The following FAM78B variants were observed in gnomAD, a reference collection of about 807,000 sequenced individuals.
FAM78B encodes protein FAM78B.
FAM78B carries 10 observed loss-of-function variants against 20.0 expected under a neutral mutation model. That is an observed-to-expected ratio of 0.50 (90% confidence interval 0.31 to 0.85). FAM78B has a LOEUF of 0.85. Ranked by LOEUF, FAM78B falls within the 40% of genes least tolerant of loss-of-function variation. The probability of loss-of-function intolerance (pLI) is 0.05; values close to 1 mark genes in which losing one functional copy is unlikely to be tolerated. For synonymous variants in FAM78B, 135 were observed against 132.8 expected (o/e 1.02, Z -0.12); for missense variants, 283 against 345.0 (o/e 0.82, Z 1.42).
At chr1:166,092,462 A>G (rs938240798) in intron 1 of FAM78B, among the ~76,000 whole-genome samples, 2 of 152,030 alleles carry the variant, frequency 1.3e-5, no homozygotes, top group African/African-American at 4.8e-5. Context: ...AGTTAGTCCT[A>G]CCCTGCCTCT....
intron 1 of FAM78B, among the ~76,000 whole-genome samples, chr1:166,098,802 C>G (rs1443718112): frequency 6.6e-6 from 1 of 152,084 alleles, no homozygotes; most frequent in Admixed American, 6.5e-5. Flanking sequence ...ATTCTAAAAG[C>G]TTGGAAAACA....
intron 1 of FAM78B, among the ~76,000 whole-genome samples, chr1:166,099,083 C>A (rs1653397959): frequency 6.6e-6 from 1 of 152,138 alleles, no homozygotes; most frequent in South Asian, 2.1e-4. Context: ...GGGATTGGGG[C>A]CCTATCTTTA....
downstream of FAM78B, among the ~76,000 whole-genome samples, chr1:166,064,585 G>A (rs1571123777): frequency 6.6e-6 from 1 of 152,034 alleles, no homozygotes; most frequent in Non-Finnish European, 1.5e-5. Flanking sequence ...CAGGTTTCAC[G>A]CCTCCCTGAA....
At chr1:166,112,825 T>C (rs186975237) in intron 1 of FAM78B, among the ~76,000 whole-genome samples, 1 of 152,292 alleles carries the variant, frequency 6.6e-6, no homozygotes, top group East Asian at 1.9e-4. Context: ...AGGTACATAC[T>C]AGCATTACTC....
Position 166,166,630 on chromosome 1 carries a change from G to GC in FAM78B, c.-383_-382insG. On this transcript the variant is annotated 5_prime_UTR_variant, in exon 1 of 2. It introduces an in-frame stop codon into an upstream open reading frame of the 5' UTR. Transcript: ENST00000354422. ...CGCCCCTCGCCGGAGAGGAGGAGGC[G>GC]GCAGCGGCGGCGGCATGGAGCCGGG... The GC allele has an allele frequency of 1.3e-5, 2 of 150,552 alleles. No homozygotes were observed. The highest frequency in any genetic ancestry group is 3.9e-4 in the East Asian group (2 of 5,120). 9.3% of individuals were successfully genotyped at this position (150,552 alleles called of 1,614,324 possible).
At chr1:166,135,203 C>G (rs1427023140) in intron 1 of FAM78B, among the ~76,000 whole-genome samples, 1 of 152,152 alleles carries the variant, frequency 6.6e-6, no homozygotes, top group African/African-American at 2.4e-5. Flanking sequence ...ATCAACACGG[C>G]TTATAACTGC....
chr1:166,136,492 G>T (rs1655070310), intron 1 of FAM78B, among the ~76,000 whole-genome samples: 1 of 152,170 alleles, frequency 6.6e-6, no homozygotes, highest in African/African-American at 2.4e-5. Context: ...CACAGCTGCT[G>T]CTGTCTCTGC....
chr1:166,143,183 GTATTAAC>G (rs1317243446), intron 1 of FAM78B, among the ~76,000 whole-genome samples: 8 of 152,292 alleles, frequency 5.3e-5, no homozygotes, highest in African/African-American at 1.7e-4. Context: ...ATTTGCAAAT[GTATTAAC>G]TATTAATATA....
intron 1 of FAM78B, among the ~76,000 whole-genome samples, chr1:166,150,382 G>A (rs2101797406): frequency 6.6e-6 from 1 of 152,256 alleles, no homozygotes; most frequent in Admixed American, 6.5e-5. Flanking sequence ...AGAAAAAGGA[G>A]ACATGAAAAG....
intron 1 of FAM78B, among the ~76,000 whole-genome samples, chr1:166,130,981 CTTTTTTTTT>C (rs869158425): frequency 1.8e-5 from 2 of 114,066 alleles, no homozygotes; most frequent in Admixed American, 1.8e-4. Context: ...TCCCCAGGTG[CTTTTTTTTT>C]TTTTTTTTTT....
intron 1 of FAM78B, among the ~76,000 whole-genome samples, chr1:166,077,329 C>T (rs548331784): frequency 2.4e-4 from 36 of 152,200 alleles, no homozygotes; most frequent in African/African-American, 8.2e-4. Flanking sequence ...TACCTGTTTC[C>T]TCATCTAAGA....
chr1:166,166,408 G>A lies in FAM78B; in HGVS notation c.-160C>T. On this transcript the variant is annotated 5_prime_UTR_variant, in exon 1 of 2. Transcript: ENST00000354422. The stretch of plus-strand genomic sequence containing the variant: ...GGAGCCGCCGGGCATCCTTGGGGAA[G>A]CCCCCTCCTCTTGCAGCCGCGCGGG... The A allele has an allele frequency of 1.9e-6, 1 of 535,464 alleles. No homozygotes were observed. 33.2% of individuals were successfully genotyped at this position (535,464 alleles called of 1,614,324 possible). A position where few individuals can be genotyped will look rare whatever the true frequency, so the allele number is the denominator to read the frequency against.
At chr1:166,130,847 C>T (rs182007059) in intron 1 of FAM78B, among the ~76,000 whole-genome samples, 20 of 152,248 alleles carry the variant, frequency 1.3e-4, no homozygotes, top group Admixed American at 1.2e-3. Context: ...TACATCTGCA[C>T]AGCCAGACAC....
intron 1 of FAM78B, among the ~76,000 whole-genome samples, chr1:166,112,630 C>T (rs972880492): frequency 1.3e-5 from 2 of 152,160 alleles, no homozygotes; most frequent in African/African-American, 4.8e-5. Context: ...CAAGGAGTGG[C>T]TAGAATATGC....
chr1:166,093,205 C>T (rs901105292), intron 1 of FAM78B, among the ~76,000 whole-genome samples: 1 of 152,106 alleles, frequency 6.6e-6, no homozygotes, highest in Non-Finnish European at 1.5e-5. Flanking sequence ...TCCAGCTTCT[C>T]AAAGTGGGGC....
At chr1:166,101,786 C>T (rs568367332) in intron 1 of FAM78B, among the ~76,000 whole-genome samples, 46 of 152,158 alleles carry the variant, frequency 3.0e-4, no homozygotes, top group African/African-American at 7.7e-4. Flanking sequence ...AAACACTCTG[C>T]AGGATATTAT....
intron 1 of FAM78B, among the ~76,000 whole-genome samples, chr1:166,132,804 T>C (rs1229424481): frequency 6.6e-6 from 1 of 152,238 alleles, no homozygotes; most frequent in Non-Finnish European, 1.5e-5. Context: ...TGTTATTTTA[T>C]GCCCCATATT....
chr1:166,079,332 A>G (rs905604775), intron 1 of FAM78B, among the ~76,000 whole-genome samples: 1 of 152,152 alleles, frequency 6.6e-6, no homozygotes, highest in African/African-American at 2.4e-5. Flanking sequence ...CCCTCCTTCG[A>G]GAACACTCTC....
At chr1:166,117,182 T>C (rs1654293914) in intron 1 of FAM78B, among the ~76,000 whole-genome samples, 1 of 152,094 alleles carries the variant, frequency 6.6e-6, no homozygotes, top group Non-Finnish European at 1.5e-5. Flanking sequence ...AGACATATGA[T>C]CTCCCTGAGT....
Sources: allele counts gnomAD v4.1 joint callset (sites outside exome capture counted in the v4.1 genomes callset), GRCh38; gene constraint gnomAD v4.1.1; transcripts MANE v1.5; gene names NCBI Gene and HGNC (gene_info 2026-07-23, HGNC 2026-07-21).